DAB1: variants seen among roughly 807,000 people sequenced by gnomAD.
DAB1 encodes the protein disabled homolog 1.
DAB1 carries 15 observed loss-of-function variants against 64.6 expected under a neutral mutation model. The ratio of observed to expected loss-of-function variants is 0.23; its 90% CI spans 0.16 to 0.36. DAB1 has a LOEUF of 0.36. Among genes scored for constraint, DAB1 ranks in the 10% least tolerant of loss-of-function variants. DAB1 has a pLI of 1.00. For synonymous variants in DAB1, 235 were observed against 251.9 expected (o/e 0.93, Z 0.64); for missense variants, 596 against 706.7 (o/e 0.84, Z 1.78).
chr1:57,923,597 TG>T (rs1180699751), intron 5 of DAB1, among the ~76,000 whole-genome samples: 1 of 152,188 alleles, frequency 6.6e-6, no homozygotes, highest in Non-Finnish European at 1.5e-5. Flanking sequence ...AAGTCTGAAG[TG>T]AAGTCACAGG....
chr1:58,200,697 A>C (rs533762080), intron 4 of DAB1, among the ~76,000 whole-genome samples: 2 of 152,282 alleles, frequency 1.3e-5, no homozygotes, highest in African/African-American at 4.8e-5. Context: ...TTTTTTTTAC[A>C]TTGTTTTTGC....
At chr1:58,140,504 A>T (rs1255405299) in intron 5 of DAB1, among the ~76,000 whole-genome samples, 1 of 152,182 alleles carries the variant, frequency 6.6e-6, no homozygotes, top group Non-Finnish European at 1.5e-5. Context: ...CCCTTTGCTC[A>T]TAATCTTCCC....
At chr1:57,759,215 A>G (rs991059) in intron 6 of DAB1, among the ~76,000 whole-genome samples, 26,690 of 152,150 alleles carry the variant, frequency 0.18, 3,053 homozygotes, top group Admixed American at 0.29. Flanking sequence ...GCATGGCCCA[A>G]TAGTGGTAAA....
chr1:57,400,838 G>A (rs138730474), intron 1 of DAB1, among the ~76,000 whole-genome samples: 108 of 152,146 alleles, frequency 7.1e-4, no homozygotes, highest in African/African-American at 2.2e-3. Flanking sequence ...AGGCACTGAC[G>A]TTGATGTGGC....
rs372646487 is a variant in DAB1, at chr1:57,780,664, T to G, written n.551+103335A>C. Among the ~76,000 whole-genome samples the G allele has an allele frequency of 5.8e-4, 88 of 152,224 alleles. 1 individual carries two copies. In the East Asian group the frequency reaches 7.1e-3, roughly 12 times the overall value. On this transcript the variant is annotated intron_variant and non_coding_transcript_variant, in intron 6 of 20. Coordinates refer to the DAB1 transcript ENST00000485760. ...GTAGGAAAAGGAAAAAATTACCATATTCCTACTACCACCCACTTTAAATCT... is the reference window on the plus strand; with the variant it reads ...GTAGGAAAAGGAAAAAATTACCATAGTCCTACTACCACCCACTTTAAATCT...
chr1:58,462,147 T>A (rs1438745301), intron 3 of DAB1, among the ~76,000 whole-genome samples: 1 of 135,310 alleles, frequency 7.4e-6, no homozygotes, highest in Non-Finnish European at 1.5e-5. Flanking sequence ...TGAGACGGAG[T>A]CTCGCTCTGT....
rs182584441 is a variant in DAB1, at chr1:58,258,982, A to G, written n.309+84370T>C. ...TAAGCTCACTGTGTGTCTTTGGTCA[A>G]ATTGCTTAACTTTCCTGAGCTGTGG... On this transcript the variant is annotated intron_variant and non_coding_transcript_variant, in intron 4 of 20. Coordinates refer to the DAB1 transcript ENST00000485760. Among the ~76,000 whole-genome samples, 9 of 152,324 alleles carry G rather than the reference A, an allele frequency of 5.9e-5. No homozygotes were observed. The East Asian group carries it at 1.5e-3, about 26-fold the overall frequency.
intron 3 of DAB1, among the ~76,000 whole-genome samples, chr1:58,364,801 T>C (rs1232283297): frequency 2.6e-5 from 4 of 152,248 alleles, no homozygotes. Context: ...CCAAAGGCCA[T>C]AGTGTTTACA....
chr1:57,645,083 C>G (rs74077744), intron 7 of DAB1, among the ~76,000 whole-genome samples: 3,266 of 152,226 alleles, frequency 0.021, 119 homozygotes, highest in African/African-American at 0.075. Flanking sequence ...CAAGGTTCAT[C>G]TGGATCCACA....
At chr1:57,512,913 A>T (rs974001862) in intron 7 of DAB1, among the ~76,000 whole-genome samples, 2 of 152,134 alleles carry the variant, frequency 1.3e-5, no homozygotes, top group Admixed American at 1.3e-4. Context: ...GTGCAAATGG[A>T]GCCTCTCTGG....
chr1:57,503,457 C>G (rs2101324390), intron 7 of DAB1, among the ~76,000 whole-genome samples: 1 of 152,296 alleles, frequency 6.6e-6, no homozygotes, highest in Admixed American at 6.5e-5. Flanking sequence ...GTCTTATTGC[C>G]TCATTTCACA....
intron 5 of DAB1, among the ~76,000 whole-genome samples, chr1:57,972,195 T>C (rs560143802): frequency 5.9e-4 from 90 of 152,350 alleles, no homozygotes; most frequent in African/African-American, 2.1e-3. Flanking sequence ...CTTAGTCTCA[T>C]GGTAGTTGGG....
chr1:58,233,266 T>C (rs1464159708), intron 4 of DAB1, among the ~76,000 whole-genome samples: 1 of 152,196 alleles, frequency 6.6e-6, no homozygotes, highest in Non-Finnish European at 1.5e-5. Flanking sequence ...ATGCTGATAG[T>C]TCACATAATT....
At chr1:57,774,182 G>A (rs76409387) in intron 6 of DAB1, among the ~76,000 whole-genome samples, 7,051 of 151,776 alleles carry the variant, frequency 0.046, 253 homozygotes, top group South Asian at 0.075. Flanking sequence ...GCAATATTTT[G>A]TGATTTTCAT....
At chr1:57,194,914 A>G (rs992233032) in intron 2 of DAB1, among the ~76,000 whole-genome samples, 1 of 152,214 alleles carries the variant, frequency 6.6e-6, no homozygotes, top group Non-Finnish European at 1.5e-5. Context: ...TTATAGACAG[A>G]TGGAGGGACA....
At chr1:58,072,817 G>A (rs1411724225) in intron 5 of DAB1, among the ~76,000 whole-genome samples, 1 of 152,202 alleles carries the variant, frequency 6.6e-6, no homozygotes, top group Non-Finnish European at 1.5e-5. Flanking sequence ...CAAGGGGAAA[G>A]CAAGGCTGTA....
chr1:57,654,039 C>T (rs992382298), intron 6 of DAB1, among the ~76,000 whole-genome samples: 2 of 152,140 alleles, frequency 1.3e-5, no homozygotes, highest in African/African-American at 4.8e-5. Context: ...TATAAAATAT[C>T]TTATTGTGTT....
At chr1:58,341,085 A>G (rs1193911747) in intron 4 of DAB1, among the ~76,000 whole-genome samples, 3 of 151,810 alleles carry the variant, frequency 2.0e-5, no homozygotes, top group African/African-American at 7.2e-5. Flanking sequence ...TATTATTCAC[A>G]TAAGCATCAT....
intron 5 of DAB1, among the ~76,000 whole-genome samples, chr1:58,109,644 A>C (rs1167641297): frequency 1.3e-5 from 2 of 151,950 alleles, no homozygotes; most frequent in African/African-American, 4.8e-5. Flanking sequence ...CATCATACTC[A>C]CGTGGGCCAA....
Sources: gnomAD v4.1 joint callset for allele counts (sites outside exome capture counted in the v4.1 genomes callset) on GRCh38, gnomAD v4.1.1 for gene constraint, MANE v1.5 for transcripts, NCBI Gene and HGNC (gene_info 2026-07-23, HGNC 2026-07-21) for gene names.